NEDD1: variants seen among roughly 807,000 people sequenced by gnomAD.
NEDD1 encodes NEDD1 gamma-tubulin ring complex targeting factor.
In NEDD1, 33 loss-of-function variants were observed where a neutral mutation model predicts 74.0. The ratio of observed to expected loss-of-function variants is 0.45; its 90% confidence interval spans 0.34 to 0.60. NEDD1 has a LOEUF of 0.60. Among genes scored for constraint, NEDD1 ranks in the 20% least tolerant of loss-of-function variants. The probability of loss-of-function intolerance (pLI) is 0.01; values close to 1 mark genes in which losing one functional copy is unlikely to be tolerated. For missense variants in NEDD1, 746 were observed against 776.5 expected (o/e 0.96, Z 0.47); for synonymous variants, 250 against 264.4 (o/e 0.95, Z 0.53).
At chr12:96,924,818 T>C in intron 6 of NEDD1, 1 of 452,110 alleles carries the variant, frequency 2.2e-6, no homozygotes, top group Non-Finnish European at 4.4e-6. Context: ...ACTTTTTCTT[T>C]ATTGCGTTGA....
At chr12:96,908,505 A>G (rs1873560589) in intron 2 of NEDD1, among the ~76,000 whole-genome samples, 1 of 152,064 alleles carries the variant, frequency 6.6e-6, no homozygotes, top group African/African-American at 2.4e-5. Flanking sequence ...CTTATCGTTC[A>G]TTACTACCTG....
chr12:96,920,630 A>G (rs1394433294), intron 6 of NEDD1, among the ~76,000 whole-genome samples: 4 of 152,178 alleles, frequency 2.6e-5, no homozygotes, highest in Non-Finnish European at 5.9e-5. Context: ...GTTTTGGGAA[A>G]CTTTTTAAAA....
chr12:96,928,498 A>G (rs953268644), intron 6 of NEDD1, among the ~76,000 whole-genome samples: 3 of 151,810 alleles, frequency 2.0e-5, no homozygotes, highest in African/African-American at 4.8e-5. Flanking sequence ...GTGTTACCCT[A>G]TTATCTTTGG....
At chr12:96,908,542 C>T (rs1203018023) in intron 2 of NEDD1, among the ~76,000 whole-genome samples, 1 of 152,198 alleles carries the variant, frequency 6.6e-6, no homozygotes, top group Non-Finnish European at 1.5e-5. Flanking sequence ...CTGTCTAGAG[C>T]AGCTTCTTTG....
chr12:96,934,325 A>G (rs1255358955), intron 6 of NEDD1, among the ~76,000 whole-genome samples: 2 of 151,258 alleles, frequency 1.3e-5, no homozygotes, highest in Admixed American at 1.3e-4. Context: ...AATGTATTAT[A>G]TTTTTCCTCT....
chr12:96,940,614 C>T, intron 10 of NEDD1, 77 bp downstream of exon 10: 2 of 1,034,674 alleles, frequency 1.9e-6, no homozygotes, highest in Non-Finnish European at 2.8e-6. Flanking sequence ...TGAATAATAG[C>T]TTCAGTCCAA....
chr12:96,922,843 C>T (rs574301689), intron 6 of NEDD1, among the ~76,000 whole-genome samples: 13 of 152,246 alleles, frequency 8.5e-5, no homozygotes, highest in South Asian at 6.2e-4. Context: ...GTGGGCCAGA[C>T]GCGGTGGCTA....
chr12:96,928,305 A>G (rs59941028), intron 6 of NEDD1, among the ~76,000 whole-genome samples: 3,151 of 152,248 alleles, frequency 0.021, 105 homozygotes, highest in African/African-American at 0.073. Flanking sequence ...TCATTATTCA[A>G]TGCCATCATT....
intron 11 of NEDD1, 68 bp from the exon 12 acceptor site, chr12:96,943,492 T>G: frequency 9.8e-7 from 1 of 1,020,592 alleles, no homozygotes; most frequent in Non-Finnish European, 1.5e-6. Flanking sequence ...CCTATCATGT[T>G]AAATGCTTTT....
At chr12:96,913,335 C>T (rs372610979) in intron 4 of NEDD1, among the ~76,000 whole-genome samples, 76 of 151,924 alleles carry the variant, frequency 5.0e-4, no homozygotes, top group African/African-American at 1.7e-3. Context: ...GGTCCCAGGG[C>T]GTTTAAATGA....
At chr12:96,950,287 G>A (rs186584978) in intron 14 of NEDD1, among the ~76,000 whole-genome samples, 1 of 152,064 alleles carries the variant, frequency 6.6e-6, no homozygotes, top group Non-Finnish European at 1.5e-5. Context: ...AAGTCTTGAT[G>A]ATATAGAGCA....
chr12:96,915,627 C>G (rs958260893), intron 4 of NEDD1, among the ~76,000 whole-genome samples: 4 of 152,122 alleles, frequency 2.6e-5, no homozygotes, highest in African/African-American at 9.7e-5. Flanking sequence ...GTGGAAGTTC[C>G]AACTAATGTG....
chr12:96,938,488 GTC>G (rs1182068892), intron 9 of NEDD1, among the ~76,000 whole-genome samples: 4 of 151,906 alleles, frequency 2.6e-5, no homozygotes, highest in African/African-American at 7.2e-5. Flanking sequence ...ACTCTCTGAA[GTC>G]TCTCCATTAT....
At chr12:96,948,581 A>G (rs546802783) in intron 14 of NEDD1, among the ~76,000 whole-genome samples, 11 of 152,254 alleles carry the variant, frequency 7.2e-5, no homozygotes, top group African/African-American at 2.4e-4. Context: ...TTTCGTTATT[A>G]GAGTTGAGAA....
intron 6 of NEDD1, among the ~76,000 whole-genome samples, chr12:96,928,931 C>G (rs1876035032): frequency 6.6e-6 from 1 of 151,952 alleles, no homozygotes; most frequent in Non-Finnish European, 1.5e-5. Flanking sequence ...ACCTCGTGAT[C>G]TGCCCGCCTC....
Position 96,940,538 on chromosome 12 carries a change from G to C in NEDD1, c.1246+1G>C. On this transcript the variant is annotated splice_donor_variant, in intron 10 of 15. Coordinates refer to ENST00000266742, the MANE Select transcript of NEDD1 (RefSeq NM_152905.4). LOFTEE classifies it high-confidence loss of function. Reference sequence around the variant, plus strand: ...GACATGTTCTCACCTATCAGAGATGGTAAGTCTGTTCAGAGGATCCTGTTC... The same window carrying C: ...GACATGTTCTCACCTATCAGAGATGCTAAGTCTGTTCAGAGGATCCTGTTC... 1.3e-6 allele frequency: 2 copies of C among 1,599,912 alleles called. No homozygotes were observed. Among genetic ancestry groups the C allele is most frequent in the Non-Finnish European group, 1.7e-6 (2 of 1,170,016 alleles).
chr12:96,934,411 T>G (rs1876868354), intron 6 of NEDD1, among the ~76,000 whole-genome samples: 1 of 152,014 alleles, frequency 6.6e-6, no homozygotes, highest in African/African-American at 2.4e-5. Context: ...ATTGGTATGT[T>G]TCAGGTATTG....
Position 96,917,637 on chromosome 12 carries a change from T to C in NEDD1, c.248T>C (p.Val83Ala). The C allele has an allele frequency of 1.3e-6, 2 of 1,516,592 alleles. No homozygotes were observed. Among genetic ancestry groups the C allele is most frequent in the Non-Finnish European group, 1.8e-6 (2 of 1,141,770 alleles). The allele number at this position is 1,516,592 out of a possible 1,614,324, so 93.9% of individuals were successfully genotyped here. A position where few individuals can be genotyped will look rare whatever the true frequency, so the allele number is the denominator to read the frequency against. The stretch of plus-strand genomic sequence containing the variant: ...TTTAAATAGCAAAAGCAGACATGTG[T>C]CAATTTAAATTCTACATCTATGTAT... Reference protein sequence around the residue: ...ELAEGQKQTCVNLNSTSMYLV... With the variant: ...ELAEGQKQTCANLNSTSMYLV... Residue 83 changes from valine to alanine, a missense_variant, in exon 5 of 16, where the codon GTC becomes GCC. Transcript: ENST00000266742.
chr12:96,924,166 A>G (rs1321795782), intron 6 of NEDD1, among the ~76,000 whole-genome samples: 1 of 152,210 alleles, frequency 6.6e-6, no homozygotes, highest in Non-Finnish European at 1.5e-5. Flanking sequence ...CCTTCTTGCA[A>G]AACTGGTAAC....
Sources: gnomAD v4.1 joint callset for allele counts (sites outside exome capture counted in the v4.1 genomes callset) on GRCh38, gnomAD v4.1.1 for gene constraint, MANE v1.5 for transcripts, NCBI Gene and HGNC (gene_info 2026-07-23, HGNC 2026-07-21) for gene names.